DENND5A: variants seen among roughly 807,000 people sequenced by gnomAD.
The protein encoded by DENND5A is DENN domain containing 5A.
DENND5A carries 64 observed loss-of-function variants against 140.3 expected under a neutral mutation model. That is an observed-to-expected ratio of 0.46 (90% CI 0.37 to 0.56). DENND5A has a LOEUF of 0.56. DENND5A is among the 20% of genes least tolerant of loss of function. The probability of loss-of-function intolerance (pLI) is 0.00; values close to 1 mark genes in which losing one functional copy is unlikely to be tolerated. For synonymous variants in DENND5A, 605 were observed against 607.7 expected (o/e 1.00, Z 0.07); for missense variants, 1,292 against 1,593.8 (o/e 0.81, Z 3.22).
chr11:9,245,141 T>C (rs1032635279), intron 1 of DENND5A, among the ~76,000 whole-genome samples: 13 of 151,626 alleles, frequency 8.6e-5, no homozygotes, highest in African/African-American at 3.1e-4. Flanking sequence ...AAAAATTAGC[T>C]GGGCATGGTG....
chr11:9,261,405 T>A (rs1852191845), intron 1 of DENND5A, among the ~76,000 whole-genome samples: 1 of 152,112 alleles, frequency 6.6e-6, no homozygotes, highest in African/African-American at 2.4e-5. Context: ...GTTTGGGAGC[T>A]ACAAGGCAGG....
At chr11:9,263,774 G>C (rs1159475788) in intron 1 of DENND5A, among the ~76,000 whole-genome samples, 1 of 147,328 alleles carries the variant, frequency 6.8e-6, no homozygotes, top group Non-Finnish European at 1.5e-5. Context: ...CCCGGGAAGC[G>C]GAGCTTGCAG....
intron 1 of DENND5A, among the ~76,000 whole-genome samples, chr11:9,217,764 G>T (rs1850151561): frequency 1.3e-5 from 2 of 152,118 alleles, no homozygotes; most frequent in African/African-American, 2.4e-5. Flanking sequence ...TTCATAAAGT[G>T]ATTTAAAAAA....
chr11:9,182,561 T>C (rs921748875), intron 5 of DENND5A, among the ~76,000 whole-genome samples: 2 of 152,230 alleles, frequency 1.3e-5, no homozygotes, highest in Non-Finnish European at 2.9e-5. Context: ...AGTTTAACAA[T>C]GGTATACTAT....
chr11:9,260,107 G>A (rs1852131255), intron 1 of DENND5A, among the ~76,000 whole-genome samples: 1 of 150,754 alleles, frequency 6.6e-6, no homozygotes. Flanking sequence ...CAGCACACTG[G>A]CCAGTTTCCC....
intron 1 of DENND5A, among the ~76,000 whole-genome samples, chr11:9,239,114 G>A (rs967862059): frequency 4.6e-5 from 7 of 152,032 alleles, no homozygotes; most frequent in Admixed American, 3.9e-4. Flanking sequence ...TTACAGGTGT[G>A]AGCCACTGCG....
intron 7 of DENND5A, 71 bp downstream of exon 7, chr11:9,178,787 T>G: frequency 7.9e-7 from 1 of 1,268,412 alleles, no homozygotes; most frequent in Non-Finnish European, 1.1e-6. Context: ...CGAGTAATTT[T>G]CCATTACTTC....
At chr11:9,166,038 G>T in intron 10 of DENND5A, 71 bp from the exon 11 acceptor site, 1 of 1,416,314 alleles carries the variant, frequency 7.1e-7, no homozygotes, top group East Asian at 2.3e-5. Context: ...GTACTGGTGG[G>T]TGCCTGAAGA....
chr11:9,221,824 C>T (rs1850324568), intron 1 of DENND5A, among the ~76,000 whole-genome samples: 1 of 152,096 alleles, frequency 6.6e-6, no homozygotes, highest in Non-Finnish European at 1.5e-5. Flanking sequence ...GTGGTGCGAT[C>T]TTGGCTCACT....
At chr11:9,260,095 T>C (rs1852128557) in intron 1 of DENND5A, among the ~76,000 whole-genome samples, 1 of 149,332 alleles carries the variant, frequency 6.7e-6, no homozygotes, top group Non-Finnish European at 1.5e-5. Flanking sequence ...AGTAAGTTCA[T>C]ACAGCACACT....
chr11:9,139,558 G>A lies in DENND5A; in HGVS notation c.*113C>T, dbSNP rs1298914743. The A allele has an allele frequency of 8.0e-6, 7 of 876,290 alleles. No individual in the cohort carries two copies. Among genetic ancestry groups the A allele is most frequent in the Non-Finnish European group, 8.6e-6 (5 of 583,834 alleles). The allele number at this position is 876,290 out of a possible 1,614,324, so 54.3% of individuals were successfully genotyped here. A position where few individuals can be genotyped will look rare whatever the true frequency, so the allele number is the denominator to read the frequency against. ...AATCCTCTAGTTTTCTTTTTACAGT[G>A]AGTGTACATTTTGTCTCCTACTCCT... On this transcript the variant is annotated 3_prime_UTR_variant, in exon 23 of 23. Transcript: ENST00000328194.
chr11:9,168,060 CACCTTTGTATTTCAAAGTGTTA>C (rs1424693387), intron 10 of DENND5A, among the ~76,000 whole-genome samples: 1 of 150,138 alleles, frequency 6.7e-6, no homozygotes, highest in African/African-American at 2.5e-5. Flanking sequence ...CCTCTTTTGT[CACCTTTGTATTTCAAAGTGTTA>C]ACCTCAGTGA....
intron 1 of DENND5A, among the ~76,000 whole-genome samples, chr11:9,224,143 G>A (rs1049584549): frequency 1.3e-4 from 20 of 151,860 alleles, no homozygotes; most frequent in African/African-American, 4.4e-4. Context: ...GCAGTGAGCC[G>A]AGATCACGCC....
chr11:9,222,659 T>C (rs1445021794), intron 1 of DENND5A, among the ~76,000 whole-genome samples: 1 of 152,162 alleles, frequency 6.6e-6, no homozygotes, highest in Non-Finnish European at 1.5e-5. Context: ...TGCAGATGAA[T>C]AGAACCAGAT....
At chr11:9,168,272 A>G (rs1848257557) in intron 10 of DENND5A, among the ~76,000 whole-genome samples, 1 of 152,090 alleles carries the variant, frequency 6.6e-6, no homozygotes, top group Non-Finnish European at 1.5e-5. Flanking sequence ...TGTTCTCGTG[A>G]TAGTGCATAA....
intron 12 of DENND5A, among the ~76,000 whole-genome samples, chr11:9,159,596 G>A (rs1847915615): frequency 6.6e-6 from 1 of 152,176 alleles, no homozygotes; most frequent in Non-Finnish European, 1.5e-5. Flanking sequence ...GGGATTACAG[G>A]TGTGAGCCAC....
chr11:9,209,232 G>A (rs1207432365), intron 1 of DENND5A, among the ~76,000 whole-genome samples: 1 of 152,162 alleles, frequency 6.6e-6, no homozygotes, highest in Non-Finnish European at 1.5e-5. Flanking sequence ...GGCTCTAGGC[G>A]TCTATGGCCA....
chr11:9,190,045 G>A (rs979038416), intron 5 of DENND5A, among the ~76,000 whole-genome samples: 3 of 152,170 alleles, frequency 2.0e-5, no homozygotes, highest in Admixed American at 6.5e-5. Context: ...TTTCAGACTT[G>A]CATGGGGCCT....
intron 10 of DENND5A, 92 bp downstream of exon 10, chr11:9,169,764 G>A (rs761255877): frequency 2.6e-5 from 22 of 837,674 alleles, no homozygotes; most frequent in Admixed American, 1.3e-4. Flanking sequence ...TTGCTGAGAC[G>A]TTTGAATCAG....
Sources: gnomAD v4.1 joint callset for allele counts (sites outside exome capture counted in the v4.1 genomes callset) on GRCh38, gnomAD v4.1.1 for gene constraint, MANE v1.5 for transcripts, NCBI Gene and HGNC (gene_info 2026-07-23, HGNC 2026-07-21) for gene names.